RNF213: variants seen among roughly 807,000 people sequenced by gnomAD.
RNF213 encodes E3 ubiquitin-protein ligase RNF213.
A neutral mutation model predicts 514.4 loss-of-function variants in RNF213; 341 were observed. That is an observed-to-expected ratio of 0.66 (90% CI 0.61 to 0.73). The LOEUF is 0.73. Ranked by LOEUF, RNF213 falls within the 30% of genes least tolerant of loss-of-function variation. The pLI is 0.00. For missense variants in RNF213, 5,767 were observed against 6,615.6 expected, an observed-to-expected ratio of 0.87 and a Z score of 4.45; for synonymous variants, 2,655 against 2,658.2, an observed-to-expected ratio of 1.00 and a Z score of 0.04.
Position 80,377,288 on chromosome 17 carries a change from A to G in RNF213, c.13510+325A>G. Reference sequence around the variant, plus strand: ...GACGCATTCAAAGGCCCACCACAAAACAAAGTTTTTGACACAAAGCTCTTC... The same window carrying G: ...GACGCATTCAAAGGCCCACCACAAAGCAAAGTTTTTGACACAAAGCTCTTC... On this transcript the variant is annotated intron_variant, in intron 53 of 67. Transcript: ENST00000582970. The surrounding 1 kb of genome is among the most constrained non-coding windows in gnomAD (Gnocchi z 4.1). 1 of 421,010 alleles carries G rather than the reference A, an allele frequency of 2.4e-6. No individual in the cohort carries two copies. Among genetic ancestry groups the G allele is most frequent in the Non-Finnish European group, 4.4e-6 (1 of 229,236 alleles). The allele number at this position is 421,010 out of a possible 1,614,324, so 26.1% of individuals were successfully genotyped here.
At chr17:80,277,353 A>G (rs2044100785) in intron 3 of RNF213, among the ~76,000 whole-genome samples, 1 of 151,692 alleles carries the variant, frequency 6.6e-6, no homozygotes, top group East Asian at 1.9e-4. Flanking sequence ...ATCCCAGCAC[A>G]TTGGGAGGCT....
In RNF213 at chr17:80,272,065, A is replaced by G. The variant is rs138709512; in HGVS notation, c.98-1176A>G. Among the ~76,000 whole-genome samples the G allele has an allele frequency of 6.8e-3, 1,030 of 151,998 alleles. 10 individuals are homozygous for G. Among genetic ancestry groups the G allele is most frequent in the African/African-American group, 0.024 (999 of 41,438 alleles). On this transcript the variant is annotated intron_variant, in intron 2 of 67. Transcript: ENST00000582970. ...TTTGAGAGGGCAAGACGGGTGGATC[A>G]TGAGGTCAGGAGTTCAAGACCATCC... is the stretch of plus-strand genomic sequence containing the variant.
intron 3 of RNF213, among the ~76,000 whole-genome samples, chr17:80,281,106 C>A (rs1291441089): frequency 7.1e-6 from 1 of 141,096 alleles, no homozygotes; most frequent in Non-Finnish European, 1.6e-5. Flanking sequence ...CTCACACATA[C>A]CCCACTCACA....
At position 80,389,230 on chromosome 17, in the gene RNF213, G is replaced by A. The variant is rs151136922; in HGVS notation, c.15058G>A (p.Asp5020Asn). Residue 5020 changes from aspartate to asparagine, a missense_variant, in exon 65 of 68, where the codon GAT (aspartate) becomes AAT (asparagine). By Grantham distance (23) the Asp-to-Asn change is conservative. Around this residue, in one of 13 missense-constraint regions of RNF213, gnomAD observed 1,245 missense variants for 1,339.0 expected, o/e 0.93. Coordinates refer to ENST00000582970, the MANE Select transcript of RNF213 (RefSeq NM_001256071.3). ...AISGQLQSYSDACEVLSVVEV... is the reference protein window; with the variant it reads ...AISGQLQSYSNACEVLSVVEV... ...CAGTGGACAGCTGCAGTCCTACAGC[G>A]ATGCCTGTGAAGTGCTGTCTGTCGT... is the stretch of plus-strand genomic sequence containing the variant. 5.0e-6 allele frequency: 8 copies of A among 1,614,072 alleles called. No homozygotes were observed. Among genetic ancestry groups the A allele is most frequent in the African/African-American group, 2.7e-5 (2 of 74,942 alleles).
intron 14 of RNF213, among the ~76,000 whole-genome samples, chr17:80,311,780 G>T (rs1273129507): frequency 2.0e-5 from 3 of 152,122 alleles, no homozygotes; most frequent in Non-Finnish European, 4.4e-5. Context: ...GCGTATCCAG[G>T]TTCTGTGGCT....
chr17:80,333,762 C>G, intron 21 of RNF213: 1 of 243,582 alleles, frequency 4.1e-6, no homozygotes, highest in South Asian at 5.8e-5. Flanking sequence ...TGCACGTCCT[C>G]GAGGAAGCAA....
chr17:80,346,185 A>T lies in RNF213; in HGVS notation c.7850A>T (p.Glu2617Val), dbSNP rs1229227949. The change falls in exon 29 of 68, where the codon GAA (glutamate) becomes GTA (valine). Residue 2617 changes from glutamate (E) to valine (V), a missense_variant. Around this residue, in one of 13 missense-constraint regions of RNF213, gnomAD observed 1,377 missense variants for 1,635.2 expected, o/e 0.84. Transcript: ENST00000582970. The surrounding 1 kb of genome is among the most constrained non-coding windows in gnomAD (Gnocchi z 8.1). ...GAAAACGGGACTCGCGTGATCACAGAAGTCCTCTGCGCCTCTCAGGGTTTC... is the reference window on the plus strand; with the variant it reads ...GAAAACGGGACTCGCGTGATCACAGTAGTCCTCTGCGCCTCTCAGGGTTTC... ...LDENGTRVIT[E>V]VLCASQGFMR... 1 of 1,614,060 alleles carries T rather than the reference A, an allele frequency of 6.2e-7. No homozygotes were observed. Among genetic ancestry groups the T allele is most frequent in the African/African-American group, 1.3e-5 (1 of 74,938 alleles).
At chr17:80,279,195 C>T (rs2145199366) in intron 3 of RNF213, among the ~76,000 whole-genome samples, 1 of 152,342 alleles carries the variant, frequency 6.6e-6, no homozygotes, top group East Asian at 1.9e-4. Flanking sequence ...GTGCAGCTGT[C>T]CCCTTGGACA....
At chr17:80,261,216 C>T (rs2043405603) in intron 1 of RNF213, among the ~76,000 whole-genome samples, 1 of 152,084 alleles carries the variant, frequency 6.6e-6, no homozygotes, top group African/African-American at 2.4e-5. Context: ...GTGCTGCCCC[C>T]GGGAAGTGGC....
chr17:80,343,347 C>A lies in RNF213; in HGVS notation c.6183+22C>A, dbSNP rs1161998273. The stretch of plus-strand genomic sequence containing the variant: ...CTCAGTAAGTGCCCTCCAGCGTCAG[C>A]CGATGGCCACATCAGTAAAGACGTG... On this transcript the variant is annotated intron_variant, in intron 27 of 67. Coordinates refer to ENST00000582970, the MANE Select transcript of RNF213 (RefSeq NM_001256071.3). This position sits in a 1 kb window ranked among gnomAD's most constrained non-coding sequence, Gnocchi z 4.3. The A allele has an allele frequency of 6.3e-7, 1 of 1,599,534 alleles. No homozygotes were observed. Among genetic ancestry groups the A allele is most frequent in the East Asian group, 2.2e-5 (1 of 44,470 alleles).
At chr17:80,381,120 C>A in intron 56 of RNF213, 133 bp downstream of exon 56, 2 of 926,478 alleles carry the variant, frequency 2.2e-6, no homozygotes, top group Non-Finnish European at 3.5e-6. Context: ...AAGTAATATA[C>A]AAGTTATACA....
rs1479707401 is a variant in RNF213, at chr17:80,396,539, T to TATCAAACTGG, written c.*3041_*3042insATCAAACTGG. 2 of 152,180 alleles carry TATCAAACTGG rather than the reference T, an allele frequency of 1.3e-5. No homozygotes were observed. Among genetic ancestry groups the TATCAAACTGG allele is most frequent in the East Asian group, 3.9e-4 (2 of 5,192 alleles). 9.4% of individuals were successfully genotyped at this position (152,180 alleles called of 1,614,324 possible). ...CACCTCTGATTTGATACATAAAGTG[T>TATCAAACTGG]GAAGGTTGCATAACTGGGGAGGTGG... On this transcript the variant is annotated 3_prime_UTR_variant, in exon 68 of 68. Coordinates refer to ENST00000582970, the MANE Select transcript of RNF213 (RefSeq NM_001256071.3).
At position 80,353,775 on chromosome 17, in the gene RNF213, G is replaced by C. The variant is rs2078623337; in HGVS notation, c.10578+109G>C. ...TAGAGGAGTCGCCGCCGCTGTGCAG[G>C]GGTGAGGATGGCGCCCCACTTTCCT... is the stretch of plus-strand genomic sequence containing the variant. On this transcript the variant is annotated intron_variant, in intron 34 of 67. Transcript: ENST00000582970. This position sits in a 1 kb window ranked among gnomAD's most constrained non-coding sequence, Gnocchi z 5.0. The C allele has an allele frequency of 9.7e-6, 14 of 1,448,598 alleles. No homozygotes were observed. Among genetic ancestry groups the C allele is most frequent in the Non-Finnish European group, 1.4e-5 (14 of 1,034,582 alleles). 89.7% of individuals were successfully genotyped at this position (1,448,598 alleles called of 1,614,324 possible).
rs191334064 is a variant in RNF213 at position 80,270,783 on chromosome 17, C to T, written c.98-2458C>T. Reference sequence around the variant, plus strand: ...TCCTAGGCTTGCTCAGCAAGAGAAACGTGCTGGGTCACCGTTGCCCAAGTC... The same window carrying T: ...TCCTAGGCTTGCTCAGCAAGAGAAATGTGCTGGGTCACCGTTGCCCAAGTC... On this transcript the variant is annotated intron_variant, in intron 2 of 67. Coordinates refer to ENST00000582970, the MANE Select transcript of RNF213 (RefSeq NM_001256071.3). 7.5e-4 allele frequency among the ~76,000 whole-genome samples: 114 copies of T among 152,278 alleles called. 1 individual carries two copies. The highest frequency in any genetic ancestry group is 2.5e-4 in the Non-Finnish European group (17 of 68,016).
chr17:80,310,886 T>G (rs1021686202), intron 14 of RNF213, among the ~76,000 whole-genome samples: 1 of 152,212 alleles, frequency 6.6e-6, no homozygotes, highest in Non-Finnish European at 1.5e-5. Flanking sequence ...AAGTTAGAAC[T>G]GTGACGTTAG....
chr17:80,363,405 TG>T (rs2079127906), intron 40 of RNF213, 91 bp downstream of exon 40: 1 of 1,389,518 alleles, frequency 7.2e-7, no homozygotes. Flanking sequence ...GTGTTCCAAG[TG>T]GGAGATTTCT....
At chr17:80,342,333 C>T (rs1318683652) in intron 26 of RNF213, among the ~76,000 whole-genome samples, 3 of 152,156 alleles carry the variant, frequency 2.0e-5, no homozygotes, top group Non-Finnish European at 4.4e-5. Context: ...TGGCGCGGGA[C>T]TCTGCTTTGC....
At chr17:80,290,452 CGAGT>C (rs1297260957) in intron 6 of RNF213, 114 bp from the exon 7 acceptor site, 1 of 1,211,776 alleles carries the variant, frequency 8.3e-7, no homozygotes, top group Non-Finnish European at 1.2e-6. Context: ...TGTGTGTGTG[CGAGT>C]GCATGTGTGT....
chr17:80,294,681 TG>T, intron 8 of RNF213, 38 bp from the exon 9 acceptor site: 1 of 1,611,820 alleles, frequency 6.2e-7, no homozygotes, highest in Non-Finnish European at 8.5e-7. Context: ...AGGGTTTTGA[TG>T]GTCTTAGGTA....
Sources: gnomAD v4.1 joint callset for allele counts (sites outside exome capture counted in the v4.1 genomes callset) on GRCh38, gnomAD v4.1.1 for gene constraint, gnomAD v4.1.1 regional missense constraint, Gnocchi (gnomAD v3.1) non-coding constraint, MANE v1.5 for transcripts, NCBI Gene and HGNC (gene_info 2026-07-23, HGNC 2026-07-21) for gene names.